Variants in CACNA2D3 observed in about 807,000 individuals in gnomAD.
CACNA2D3 encodes the protein voltage-dependent calcium channel subunit alpha-2/delta-3.
CACNA2D3 carries 60 observed loss-of-function variants against 160.6 expected under a neutral mutation model. The observed-to-expected ratio is 0.37, with a 90% CI of 0.30 to 0.46. The LOEUF (loss-of-function observed/expected upper bound fraction) is 0.46, where lower values mean the gene tolerates loss of function less well. CACNA2D3 is among the 20% of genes least tolerant of loss of function. CACNA2D3 has a pLI of 1.00. For missense variants in CACNA2D3, 1,205 were observed against 1,365.0 expected (o/e 0.88, Z 1.85); for synonymous variants, 558 against 492.9 (o/e 1.13, Z -1.75).
chr3:54,345,417 C>G (rs550554190), intron 3 of CACNA2D3, among the ~76,000 whole-genome samples: 1 of 152,118 alleles, frequency 6.6e-6, no homozygotes, highest in South Asian at 2.1e-4. Flanking sequence ...TTAAAGCAGG[C>G]TTTTAAACAC....
intron 29 of CACNA2D3, among the ~76,000 whole-genome samples, chr3:54,982,259 C>T (rs536102204): frequency 6.6e-6 from 1 of 152,180 alleles, no homozygotes; most frequent in Non-Finnish European, 1.5e-5. Flanking sequence ...GAGCCTCTAA[C>T]CCCCTAAATC....
chr3:54,492,412 C>T (rs745651511), intron 4 of CACNA2D3, among the ~76,000 whole-genome samples: 49 of 152,170 alleles, frequency 3.2e-4, no homozygotes, highest in Non-Finnish European at 5.4e-4. Context: ...AGCTGTGCAA[C>T]GATAGGACCA....
chr3:54,343,937 T>C (rs1698410472), intron 3 of CACNA2D3, among the ~76,000 whole-genome samples: 1 of 152,246 alleles, frequency 6.6e-6, no homozygotes, highest in African/African-American at 2.4e-5. Flanking sequence ...ATAATCGTGA[T>C]ATTTATACAG....
At chr3:54,640,104 T>C (rs1699482230) in intron 10 of CACNA2D3, among the ~76,000 whole-genome samples, 1 of 152,194 alleles carries the variant, frequency 6.6e-6, no homozygotes, top group Non-Finnish European at 1.5e-5. Flanking sequence ...GCAGGGCATA[T>C]TCACTTCTTT....
intron 17 of CACNA2D3, among the ~76,000 whole-genome samples, chr3:54,847,734 G>T (rs1698966779): frequency 6.6e-6 from 1 of 152,218 alleles, no homozygotes; most frequent in Non-Finnish European, 1.5e-5. Flanking sequence ...TGAAAAGTCT[G>T]ATTGAAAAAG....
At chr3:54,808,513 A>G (rs1440741292) in intron 13 of CACNA2D3, among the ~76,000 whole-genome samples, 2 of 152,152 alleles carry the variant, frequency 1.3e-5, no homozygotes, top group Non-Finnish European at 2.9e-5. Context: ...CGATTAGACT[A>G]GATTAGGTCA....
intron 2 of CACNA2D3, among the ~76,000 whole-genome samples, chr3:54,308,246 C>T (rs1045325869): frequency 6.6e-6 from 1 of 152,204 alleles, no homozygotes; most frequent in Non-Finnish European, 1.5e-5. Context: ...ATTTAAGCTG[C>T]TTCTTCCATA....
chr3:54,861,769 CTTGCT>C (rs1262774987), intron 17 of CACNA2D3, among the ~76,000 whole-genome samples: 1 of 152,230 alleles, frequency 6.6e-6, no homozygotes, highest in Non-Finnish European at 1.5e-5. Context: ...ATGGGTGCTG[CTTGCT>C]TTGCCTGGCT....
chr3:54,806,424 A>G (rs149014880), intron 13 of CACNA2D3, among the ~76,000 whole-genome samples: 4,200 of 152,284 alleles, frequency 0.028, 186 homozygotes, highest in African/African-American at 0.093. Context: ...CAAACAGAGA[A>G]CCAAATCATG....
intron 16 of CACNA2D3, among the ~76,000 whole-genome samples, chr3:54,840,150 G>A (rs1315387679): frequency 1.3e-5 from 2 of 151,994 alleles, no homozygotes; most frequent in South Asian, 2.1e-4. Context: ...AGAAACCTAA[G>A]CACCGAGCCA....
intron 9 of CACNA2D3, among the ~76,000 whole-genome samples, chr3:54,615,195 A>G (rs184592196): frequency 4.6e-5 from 7 of 152,246 alleles, no homozygotes; most frequent in African/African-American, 1.4e-4. Context: ...CTTCTGATGA[A>G]TTAATGAATC....
chr3:54,768,677 TTAAAA>T (rs1369732389), intron 13 of CACNA2D3, among the ~76,000 whole-genome samples: 1 of 152,200 alleles, frequency 6.6e-6, no homozygotes, highest in African/African-American at 2.4e-5. Flanking sequence ...CTTATTTACT[TTAAAA>T]TAACATTTCA....
At chr3:55,036,791 A>C (rs6784966) in intron 35 of CACNA2D3, among the ~76,000 whole-genome samples, 4 of 152,158 alleles carry the variant, frequency 2.6e-5, no homozygotes, top group African/African-American at 9.7e-5. Flanking sequence ...GACAGTCACT[A>C]TGAGCAAAGG....
intron 3 of CACNA2D3, among the ~76,000 whole-genome samples, chr3:54,343,381 T>C (rs1698397028): frequency 6.6e-6 from 1 of 152,142 alleles, no homozygotes; most frequent in Non-Finnish European, 1.5e-5. Flanking sequence ...AGCCTCGACC[T>C]CCTGGTTTCA....
At chr3:54,549,217 C>A (rs906897814) in intron 5 of CACNA2D3, among the ~76,000 whole-genome samples, 2 of 152,114 alleles carry the variant, frequency 1.3e-5, no homozygotes, top group African/African-American at 2.4e-5. Flanking sequence ...GAGACCGAGG[C>A]GGGCGGATCA....
intron 27 of CACNA2D3, among the ~76,000 whole-genome samples, chr3:54,965,863 G>A (rs949231789): frequency 6.6e-6 from 1 of 152,102 alleles, no homozygotes; most frequent in Non-Finnish European, 1.5e-5. Flanking sequence ...GTGTGAGTGA[G>A]GAGAGAGGGA....
At chr3:54,437,378 A>C (rs909467986) in intron 4 of CACNA2D3, among the ~76,000 whole-genome samples, 3 of 152,046 alleles carry the variant, frequency 2.0e-5, no homozygotes, top group Non-Finnish European at 4.4e-5. Flanking sequence ...CCTTCATTCC[A>C]TGTGTGTGTT....
At chr3:54,212,787 T>C (rs1417124248) in intron 2 of CACNA2D3, among the ~76,000 whole-genome samples, 1 of 152,138 alleles carries the variant, frequency 6.6e-6, no homozygotes, top group Non-Finnish European at 1.5e-5. Context: ...GGAATGTCTG[T>C]CTTGTACTCA....
chr3:54,264,658 G>A (rs1417632624), intron 2 of CACNA2D3, among the ~76,000 whole-genome samples: 3 of 152,222 alleles, frequency 2.0e-5, no homozygotes, highest in Non-Finnish European at 4.4e-5. Flanking sequence ...AATAGGCTCA[G>A]TGCAGCTGGT....
Sources: gnomAD v4.1 joint callset for allele counts (sites outside exome capture counted in the v4.1 genomes callset) on GRCh38, gnomAD v4.1.1 for gene constraint, MANE v1.5 for transcripts, NCBI Gene and HGNC (gene_info 2026-07-23, HGNC 2026-07-21) for gene names.